Variants in GPSM2 observed in about 807,000 individuals in gnomAD.
GPSM2 encodes the protein G protein signaling modulator 2, also known as G protein-signaling modulator 2.
Under a neutral mutation model 78.4 loss-of-function variants are expected in GPSM2, and 58 were observed. The observed-to-expected ratio is 0.74, with a 90% CI of 0.60 to 0.92. The LOEUF is 0.92. Ranked by LOEUF, GPSM2 falls within the 40% of genes least tolerant of loss-of-function variation. The pLI, the probability that GPSM2 is intolerant of heterozygous loss-of-function variation, is 0.00. For missense variants in GPSM2, 700 were observed against 815.5 expected (o/e 0.86, Z 1.73); for synonymous variants, 224 against 280.2 (o/e 0.80, Z 2.00).
intron 2 of GPSM2, among the ~76,000 whole-genome samples, chr1:108,890,837 C>T (rs1474905026): frequency 6.6e-6 from 1 of 151,752 alleles, no homozygotes; most frequent in East Asian, 1.9e-4. Context: ...ATATTTTGCA[C>T]CTATTTCAAA....
chr1:108,897,345 G>A, intron 3 of GPSM2, 147 bp from the exon 4 acceptor site: 1 of 745,286 alleles, frequency 1.3e-6, no homozygotes, highest in Non-Finnish European at 2.2e-6. Flanking sequence ...TTTATTTAAA[G>A]TAGGTTTCAA....
chr1:108,906,996 A>T (rs1429276032), intron 10 of GPSM2, among the ~76,000 whole-genome samples: 2 of 151,698 alleles, frequency 1.3e-5, no homozygotes, highest in Non-Finnish European at 2.9e-5. Flanking sequence ...TCTGTTCAAA[A>T]CCCTTCAGTT....
intron 2 of GPSM2, among the ~76,000 whole-genome samples, chr1:108,889,495 G>C (rs1647812502): frequency 6.6e-6 from 1 of 152,240 alleles, no homozygotes; most frequent in Admixed American, 6.5e-5. Context: ...AGGCTAAATT[G>C]TGGGAGCTAA....
At position 108,930,192 on chromosome 1, in the gene GPSM2, G is replaced by A. The variant is rs1651679507; in HGVS notation, c.*252G>A. On this transcript the variant is annotated 3_prime_UTR_variant, in exon 15 of 15. Transcript: ENST00000264126. ...TGGGATGTGTTCTTTGGCAGCTTGT[G>A]AGATTACTTTACCTAGTGTTTATAA... 1 of 427,192 alleles carries A rather than the reference G, an allele frequency of 2.3e-6. No individual in the cohort carries two copies. Among genetic ancestry groups the A allele is most frequent in the South Asian group, 4.2e-5 (1 of 23,648 alleles). 26.5% of individuals were successfully genotyped at this position (427,192 alleles called of 1,614,324 possible).
In GPSM2 at chr1:108,920,638, T is replaced by C. The variant is rs897445701; in HGVS notation, c.1441-1779T>C. On this transcript the variant is annotated intron_variant, in intron 12 of 14. Coordinates refer to ENST00000264126, the MANE Select transcript of GPSM2 (RefSeq NM_013296.5). ...CTTTCCCCCCAGTCTGTGGTATTGT[T>C]ATAGAATGCCTCGATTTTTATCAGT... Among the ~76,000 whole-genome samples, 13 of 152,154 alleles carry C rather than the reference T, an allele frequency of 8.5e-5. No individual in the cohort carries two copies. The East Asian group carries it at 1.3e-3, about 16-fold the overall frequency.
intron 5 of GPSM2, 129 bp from the exon 6 acceptor site, chr1:108,898,513 T>G: frequency 1.3e-6 from 1 of 771,510 alleles, no homozygotes; most frequent in Non-Finnish European, 2.1e-6. Context: ...ATGTCATCCT[T>G]AAAATGTTGC....
chr1:108,896,730 T>C (rs762876529), intron 2 of GPSM2, 134 bp from the exon 3 acceptor site: 7 of 754,628 alleles, frequency 9.3e-6, no homozygotes, highest in African/African-American at 1.7e-5. Flanking sequence ...TTATCAGGAA[T>C]GTATATAAAC....
intron 1 of GPSM2, among the ~76,000 whole-genome samples, chr1:108,881,820 A>G (rs1221336871): frequency 6.6e-6 from 1 of 152,210 alleles, no homozygotes; most frequent in Non-Finnish European, 1.5e-5. Flanking sequence ...AACTTTATTT[A>G]TATTCATTTA....
intron 1 of GPSM2, among the ~76,000 whole-genome samples, 195 bp from the exon 2 acceptor site, chr1:108,885,080 A>G (rs1242144522): frequency 6.6e-6 from 1 of 152,224 alleles, no homozygotes; most frequent in African/African-American, 2.4e-5. Flanking sequence ...TAAAAATTAC[A>G]GTTCTCAAAT....
At chr1:108,921,158 A>T (rs1175535532) in intron 12 of GPSM2, among the ~76,000 whole-genome samples, 1 of 152,192 alleles carries the variant, frequency 6.6e-6, no homozygotes, top group Non-Finnish European at 1.5e-5. Context: ...TTCCAAAAAT[A>T]TCTGCTACCC....
chr1:108,891,784 T>C (rs1647994174), intron 2 of GPSM2, among the ~76,000 whole-genome samples: 1 of 151,416 alleles, frequency 6.6e-6, no homozygotes, highest in Non-Finnish European at 1.5e-5. Context: ...GGATTACAGG[T>C]ATGAGCCACT....
At chr1:108,918,551 C>A in intron 11 of GPSM2, 62 bp from the exon 12 acceptor site, 2 of 1,248,974 alleles carry the variant, frequency 1.6e-6, no homozygotes, top group Non-Finnish European at 2.4e-6. Context: ...TTATGGGAAA[C>A]CAGAAGAGAG....
At chr1:108,882,241 G>A (rs141886810) in intron 1 of GPSM2, among the ~76,000 whole-genome samples, 3 of 152,262 alleles carry the variant, frequency 2.0e-5, no homozygotes, top group East Asian at 3.9e-4. Context: ...GTCAGCCACC[G>A]GGCCTACCTA....
At position 108,898,624 on chromosome 1, in the gene GPSM2, CTT is replaced by C. The variant is rs1648559727; in HGVS notation, c.558-14_558-13del. 3 of 1,612,306 alleles carry C rather than the reference CTT, an allele frequency of 1.9e-6. No individual in the cohort carries two copies. The African/African-American group carries it at 4.0e-5, about 22-fold the overall frequency. On this transcript the variant is annotated splice_polypyrimidine_tract_variant and intron_variant, in intron 5 of 14. Coordinates refer to ENST00000264126, the MANE Select transcript of GPSM2 (RefSeq NM_013296.5). ...GTTCTGCAAACTTATTTTTTCATCA[CTT>C]TTTGCGATCCCTTAGGGAAAACCTA...
chr1:108,918,016 G>T (rs1650410975), intron 11 of GPSM2, among the ~76,000 whole-genome samples: 1 of 152,044 alleles, frequency 6.6e-6, no homozygotes, highest in Non-Finnish European at 1.5e-5. Context: ...AAGACTGAAT[G>T]TTAAAGCTGC....
chr1:108,932,705 ATGTCT>A lies in GPSM2; in HGVS notation c.*2770_*2774del, dbSNP rs1652214109. 1 of 152,232 alleles carries A rather than the reference ATGTCT, an allele frequency of 6.6e-6. No homozygotes were observed. The highest frequency in any genetic ancestry group is 6.5e-5 in the Admixed American group (1 of 15,286). The allele number at this position is 152,232 out of a possible 1,614,324, so 9.4% of individuals were successfully genotyped here. On this transcript the variant is annotated 3_prime_UTR_variant, in exon 15 of 15. Transcript: ENST00000264126. Reference sequence around the variant, plus strand: ...GCATATTCCCCAAGTCAGTGTGAACATGTCTTGTCCCAAGAGGACACTTTATACGC... The same window carrying A: ...GCATATTCCCCAAGTCAGTGTGAACATGTCCCAAGAGGACACTTTATACGC...
In GPSM2 at chr1:108,932,006, C is replaced by T. The variant is rs1027128080; in HGVS notation, c.*2066C>T. 6.6e-6 allele frequency: 1 copy of T among 152,468 alleles called. No individual in the cohort carries two copies. Among genetic ancestry groups the T allele is most frequent in the African/African-American group, 2.4e-5 (1 of 41,458 alleles). The allele number at this position is 152,468 out of a possible 1,614,324, so 9.4% of individuals were successfully genotyped here. On this transcript the variant is annotated 3_prime_UTR_variant, in exon 15 of 15. Coordinates refer to ENST00000264126, the MANE Select transcript of GPSM2 (RefSeq NM_013296.5). Reference sequence around the variant, plus strand: ...ACACTATATAGGCTGGGCACAATGGCTCATGCCTGTAATCCCAGCACTTTG... The same window carrying T: ...ACACTATATAGGCTGGGCACAATGGTTCATGCCTGTAATCCCAGCACTTTG...
At chr1:108,915,728 CTTTAT>C (rs1386326007) in intron 11 of GPSM2, among the ~76,000 whole-genome samples, 2 of 151,528 alleles carry the variant, frequency 1.3e-5, no homozygotes, top group Non-Finnish European at 2.9e-5. Context: ...CCTGGCCTTT[CTTTAT>C]TTTACTTATT....
chr1:108,912,008 A>G (rs1649789970), intron 10 of GPSM2, among the ~76,000 whole-genome samples: 1 of 151,804 alleles, frequency 6.6e-6, no homozygotes, highest in Non-Finnish European at 1.5e-5. Context: ...GGGTTTTGCC[A>G]TGTTGCCCAG....
Sources: allele counts gnomAD v4.1 joint callset (sites outside exome capture counted in the v4.1 genomes callset), GRCh38; gene constraint gnomAD v4.1.1; transcripts MANE v1.5; gene names NCBI Gene and HGNC (gene_info 2026-07-23, HGNC 2026-07-21).